ZPBP: variants seen among roughly 807,000 people sequenced by gnomAD.
The protein encoded by ZPBP is zona pellucida-binding protein 1.
ZPBP carries 26 observed loss-of-function variants against 44.8 expected under a neutral mutation model. That is an observed-to-expected ratio of 0.58 (90% CI 0.43 to 0.81). The LOEUF (loss-of-function observed/expected upper bound fraction) is 0.81, where lower values mean the gene tolerates loss of function less well. Ranked by LOEUF, ZPBP falls within the 30% of genes least tolerant of loss-of-function variation. The pLI is 0.00. For missense variants in ZPBP, 409 were observed against 434.0 expected, an observed-to-expected ratio of 0.94 and a Z score of 0.51; for synonymous variants, 174 against 153.2, an observed-to-expected ratio of 1.14 and a Z score of -1.00.
At chr7:50,006,896 G>C (rs1389259053) in intron 6 of ZPBP, among the ~76,000 whole-genome samples, 1 of 151,898 alleles carries the variant, frequency 6.6e-6, no homozygotes, top group Non-Finnish European at 1.5e-5. Context: ...AAAAATAAGA[G>C]AATATTATAA....
In ZPBP at chr7:50,074,471, A is replaced by C. The variant is rs144317181; in HGVS notation, c.334+7303T>G. 1.9e-3 allele frequency among the ~76,000 whole-genome samples: 289 copies of C among 151,988 alleles called. 1 individual carries two copies. The highest frequency in any genetic ancestry group is 6.6e-3 in the African/African-American group (276 of 41,558). The stretch of plus-strand genomic sequence containing the variant: ...AATTGACTAAATTCTCTAATAAAAA[A>C]TAGACAGAGTAGATGAAAAAACAAG... On this transcript the variant is annotated intron_variant, in intron 3 of 7. Transcript: ENST00000046087.
At chr7:50,073,937 A>G (rs1470994109) in intron 3 of ZPBP, among the ~76,000 whole-genome samples, 1 of 152,096 alleles carries the variant, frequency 6.6e-6, no homozygotes, top group Non-Finnish European at 1.5e-5. Context: ...AAGAAAATTA[A>G]TGAGTAATAA....
intron 6 of ZPBP, among the ~76,000 whole-genome samples, chr7:49,997,840 C>T (rs1797918784): frequency 6.6e-6 from 1 of 152,190 alleles, no homozygotes; most frequent in Non-Finnish European, 1.5e-5. Flanking sequence ...TCAATTTCAT[C>T]AGTGGCTTGC....
At chr7:50,070,763 A>G (rs926059859) in intron 3 of ZPBP, among the ~76,000 whole-genome samples, 4 of 152,208 alleles carry the variant, frequency 2.6e-5, no homozygotes, top group Non-Finnish European at 5.9e-5. Context: ...GAAGCATATT[A>G]CAGAAGTGAT....
chr7:49,980,625 G>T (rs1455276497), intron 7 of ZPBP, among the ~76,000 whole-genome samples: 2 of 151,902 alleles, frequency 1.3e-5, no homozygotes, highest in African/African-American at 4.8e-5. Context: ...AAGCCAGAGA[G>T]GGGGGCAGGT....
chr7:50,090,501 GTA>G (rs1340789429), intron 1 of ZPBP, among the ~76,000 whole-genome samples: 8 of 151,218 alleles, frequency 5.3e-5, no homozygotes, highest in African/African-American at 1.5e-4. Flanking sequence ...GTATATGAGT[GTA>G]TATATATGTG....
intron 3 of ZPBP, among the ~76,000 whole-genome samples, chr7:50,075,216 GAAAT>G (rs1802023403): frequency 6.6e-6 from 1 of 151,730 alleles, no homozygotes; most frequent in Non-Finnish European, 1.5e-5. Flanking sequence ...AAATTTTCAT[GAAAT>G]AAATGTTAAT....
In ZPBP at chr7:49,983,361, T is replaced by C; in HGVS notation, c.942A>G (p.Pro314=). ...PGYGMNVQQH[P]KCPECCVICS... is the part of the protein sequence containing the mutation. ...ACATACCACAGCACTCAGGACATTT[T>C]GGATGTTGCTGGACATTCATTCCAT... The change falls in exon 7 of 8, where the codon CCA becomes CCG. Residue 314 remains proline (P), a synonymous_variant. Coordinates refer to ENST00000046087, the MANE Select transcript of ZPBP (RefSeq NM_007009.3). 1 of 1,613,542 alleles carries C rather than the reference T, an allele frequency of 6.2e-7. No individual in the cohort carries two copies. The highest frequency in any genetic ancestry group is 8.5e-7 in the Non-Finnish European group (1 of 1,179,662).
intron 1 of ZPBP, among the ~76,000 whole-genome samples, chr7:49,906,210 C>G (rs1332945221): frequency 1.3e-5 from 2 of 152,136 alleles, no homozygotes; most frequent in East Asian, 3.8e-4. Flanking sequence ...ATCCAAGAAC[C>G]CTCACTTGGG....
At chr7:50,041,727 CA>C in intron 4 of ZPBP, among the ~76,000 whole-genome samples, 1 of 152,242 alleles carries the variant, frequency 6.6e-6, no homozygotes. Flanking sequence ...AAAACCAGTG[CA>C]AAAAGGCTGA....
At chr7:49,863,490 G>A (rs536899880) in intron 2 of ZPBP, among the ~76,000 whole-genome samples, 2 of 152,130 alleles carry the variant, frequency 1.3e-5, no homozygotes, top group East Asian at 1.9e-4. Flanking sequence ...TGGAGTGCAT[G>A]GCATGATCTC....
intron 7 of ZPBP, among the ~76,000 whole-genome samples, chr7:49,961,688 T>C (rs1795865648): frequency 6.6e-6 from 1 of 152,132 alleles, no homozygotes; most frequent in South Asian, 2.1e-4. Flanking sequence ...ATACTATTTG[T>C]CATTATTCGT....
In ZPBP at chr7:49,937,678, A is replaced by G; in HGVS notation, c.962-56T>C. ...ATTTTCCTAATACACATAATATAAA[A>G]TTTCCAATCTCAATTCTTTTAAGTG... On this transcript the variant is annotated intron_variant, in intron 7 of 7. Transcript: ENST00000046087. The G allele has an allele frequency of 2.9e-6, 4 of 1,371,056 alleles. No individual in the cohort carries two copies. The South Asian group carries it at 4.7e-5, about 16-fold the overall frequency. The allele number at this position is 1,371,056 out of a possible 1,614,324, so 84.9% of individuals were successfully genotyped here. A position where few individuals can be genotyped will look rare whatever the true frequency, so the allele number is the denominator to read the frequency against.
intron 2 of ZPBP, among the ~76,000 whole-genome samples, chr7:49,893,952 G>C (rs1208776499): frequency 6.6e-6 from 1 of 152,192 alleles, no homozygotes; most frequent in African/African-American, 2.4e-5. Context: ...ACAAGCAGAT[G>C]CTGGACCCTG....
At chr7:50,088,029 T>TG in intron 2 of ZPBP, among the ~76,000 whole-genome samples, 1 of 152,050 alleles carries the variant, frequency 6.6e-6, no homozygotes, top group Non-Finnish European at 1.5e-5. Context: ...TTTCAAAACT[T>TG]ATTATAAGCA....
At chr7:49,981,545 A>G (rs1390141649) in intron 7 of ZPBP, among the ~76,000 whole-genome samples, 1 of 89,144 alleles carries the variant, frequency 1.1e-5, no homozygotes, top group African/African-American at 4.5e-5. Flanking sequence ...AATTTTATAT[A>G]ATTATATAAA....
intron 6 of ZPBP, among the ~76,000 whole-genome samples, chr7:50,015,371 G>A (rs932488123): frequency 6.6e-6 from 1 of 151,994 alleles, no homozygotes; most frequent in Non-Finnish European, 1.5e-5. Context: ...CCTTTCAGTA[G>A]AAAAGATTGA....
chr7:50,040,580 A>G (rs887485450), intron 4 of ZPBP, among the ~76,000 whole-genome samples: 5 of 152,134 alleles, frequency 3.3e-5, no homozygotes, highest in Non-Finnish European at 7.4e-5. Flanking sequence ...CTCCCTCCCC[A>G]AGCCAAGGGA....
At chr7:49,877,244 C>T (rs1314440457) in intron 2 of ZPBP, among the ~76,000 whole-genome samples, 1 of 151,210 alleles carries the variant, frequency 6.6e-6, no homozygotes, top group Non-Finnish European at 1.5e-5. Context: ...GGTCGATCAC[C>T]TGAGGTCAGG....
Sources: allele counts gnomAD v4.1 joint callset (sites outside exome capture counted in the v4.1 genomes callset), GRCh38; gene constraint gnomAD v4.1.1; transcripts MANE v1.5; gene names NCBI Gene and HGNC (gene_info 2026-07-23, HGNC 2026-07-21).